AGBL4: variants seen among roughly 807,000 people sequenced by gnomAD.
The protein encoded by AGBL4 is AGBL carboxypeptidase 4, also known as cytosolic carboxypeptidase 6.
In AGBL4, 58 loss-of-function variants were observed where a neutral mutation model predicts 66.4. The ratio of observed to expected loss-of-function variants is 0.87; its 90% CI spans 0.71 to 1.09. The LOEUF is 1.09. AGBL4 is among the 50% of genes least tolerant of loss of function. The probability of loss-of-function intolerance (pLI) is 0.00; values close to 1 mark genes in which losing one functional copy is unlikely to be tolerated. For synonymous variants in AGBL4, 234 were observed against 222.9 expected (o/e 1.05, Z -0.44); for missense variants, 579 against 631.0 (o/e 0.92, Z 0.88).
chr1:49,093,915 G>T (rs1645044212), intron 4 of AGBL4, among the ~76,000 whole-genome samples: 1 of 152,138 alleles, frequency 6.6e-6, no homozygotes, highest in South Asian at 2.1e-4. Flanking sequence ...TTTCATCATA[G>T]GATAGAGTTC....
At chr1:49,218,148 T>A (rs1232626302) in intron 4 of AGBL4, among the ~76,000 whole-genome samples, 1 of 151,900 alleles carries the variant, frequency 6.6e-6, no homozygotes, top group Non-Finnish European at 1.5e-5. Flanking sequence ...AACTAAGGAG[T>A]CACTTGTGAA....
intron 2 of AGBL4, among the ~76,000 whole-genome samples, chr1:49,719,863 T>C (rs1011752261): frequency 1.3e-5 from 2 of 152,080 alleles, no homozygotes; most frequent in Non-Finnish European, 2.9e-5. Context: ...CCCCTTTTGC[T>C]CAGCATTTCT....
chr1:48,730,372 G>A (rs1159186231), intron 6 of AGBL4, among the ~76,000 whole-genome samples: 2 of 152,142 alleles, frequency 1.3e-5, no homozygotes, highest in African/African-American at 2.4e-5. Context: ...CTCTAGGGGG[G>A]ACTTCTCTGG....
intron 3 of AGBL4, among the ~76,000 whole-genome samples, chr1:49,282,857 C>G (rs974477133): frequency 1.3e-5 from 2 of 152,160 alleles, no homozygotes; most frequent in African/African-American, 4.8e-5. Context: ...CCGCACCTGG[C>G]TTGGAGGGTC....
At chr1:49,993,094 C>A (rs1239188308) in intron 1 of AGBL4, among the ~76,000 whole-genome samples, 9 of 152,202 alleles carry the variant, frequency 5.9e-5, no homozygotes, top group Non-Finnish European at 8.8e-5. Flanking sequence ...TTATAGAATT[C>A]CTTGTCATTT....
At chr1:49,933,444 A>C (rs1653574409) in intron 1 of AGBL4, among the ~76,000 whole-genome samples, 1 of 152,178 alleles carries the variant, frequency 6.6e-6, no homozygotes, top group South Asian at 2.1e-4. Flanking sequence ...AAACAGCAAC[A>C]CAAAAGCATA....
intron 3 of AGBL4, among the ~76,000 whole-genome samples, chr1:49,410,267 C>T (rs867871673): frequency 1.2e-4 from 18 of 152,148 alleles, no homozygotes; most frequent in African/African-American, 4.3e-4. Flanking sequence ...AACCCGTATG[C>T]AGAAATCTAT....
chr1:49,019,327 C>T (rs1489531690), intron 5 of AGBL4, among the ~76,000 whole-genome samples: 1 of 152,154 alleles, frequency 6.6e-6, no homozygotes, highest in African/African-American at 2.4e-5. Flanking sequence ...TCATCCTCCC[C>T]ACATGGACAT....
At chr1:49,355,511 T>TAA (rs1644001567) in intron 3 of AGBL4, among the ~76,000 whole-genome samples, 1 of 152,164 alleles carries the variant, frequency 6.6e-6, no homozygotes, top group Non-Finnish European at 1.5e-5. Context: ...CTTGATTCCA[T>TAA]ATGTGTCCCC....
intron 6 of AGBL4, among the ~76,000 whole-genome samples, chr1:48,740,301 T>C (rs969112224): frequency 1.3e-5 from 2 of 152,126 alleles, no homozygotes; most frequent in Non-Finnish European, 2.9e-5. Context: ...CTGGTGAGAG[T>C]ACTGGCCTGG....
At chr1:49,025,357 G>T (rs552130766) in intron 5 of AGBL4, among the ~76,000 whole-genome samples, 49 of 152,238 alleles carry the variant, frequency 3.2e-4, no homozygotes, top group South Asian at 1.0e-3. Flanking sequence ...GAAAGAGAGA[G>T]AGGCCTTTAA....
intron 5 of AGBL4, among the ~76,000 whole-genome samples, chr1:48,978,346 A>G (rs1252264160): frequency 6.6e-6 from 1 of 152,194 alleles, no homozygotes; most frequent in Non-Finnish European, 1.5e-5. Context: ...ATAACTAAAG[A>G]GAAACTGGAA....
At chr1:48,688,812 T>C (rs959399147) in intron 6 of AGBL4, among the ~76,000 whole-genome samples, 62 of 151,800 alleles carry the variant, frequency 4.1e-4, no homozygotes, top group Middle Eastern at 3.4e-3. Flanking sequence ...TTTTTTTTTT[T>C]GAATTTAGAA....
chr1:48,959,645 G>A (rs906425972), intron 5 of AGBL4, among the ~76,000 whole-genome samples: 1 of 152,190 alleles, frequency 6.6e-6, no homozygotes, highest in Non-Finnish European at 1.5e-5. Context: ...GGGACATAAA[G>A]GGAGAGAAGG....
intron 1 of AGBL4, among the ~76,000 whole-genome samples, chr1:49,894,636 A>C (rs565631698): frequency 1.3e-5 from 2 of 152,286 alleles, no homozygotes; most frequent in East Asian, 1.9e-4. Flanking sequence ...AGGATGCGAA[A>C]GACACTCTTA....
intron 8 of AGBL4, among the ~76,000 whole-genome samples, chr1:48,635,033 C>A (rs1645646980): frequency 6.6e-6 from 1 of 152,156 alleles, no homozygotes; most frequent in African/African-American, 2.4e-5. Flanking sequence ...ACACCATAAC[C>A]CAACACCTTT....
At chr1:49,696,811 T>C (rs764456470) in intron 3 of AGBL4, among the ~76,000 whole-genome samples, 6 of 152,122 alleles carry the variant, frequency 3.9e-5, no homozygotes, top group African/African-American at 7.2e-5. Context: ...GCTGTAAATA[T>C]GGTTCCGAGT....
intron 4 of AGBL4, among the ~76,000 whole-genome samples, chr1:49,094,114 T>C (rs1005463880): frequency 2.6e-5 from 4 of 152,124 alleles, no homozygotes; most frequent in African/African-American, 9.7e-5. Flanking sequence ...TTGATACAGA[T>C]GCAGAGCAAC....
At chr1:49,077,479 G>A (rs1644732856) in intron 4 of AGBL4, among the ~76,000 whole-genome samples, 1 of 152,128 alleles carries the variant, frequency 6.6e-6, no homozygotes, top group Non-Finnish European at 1.5e-5. Flanking sequence ...CTATAAAAAT[G>A]TATCAGATAT....
Sources: gnomAD v4.1 joint callset for allele counts (sites outside exome capture counted in the v4.1 genomes callset) on GRCh38, gnomAD v4.1.1 for gene constraint, MANE v1.5 for transcripts, NCBI Gene and HGNC (gene_info 2026-07-23, HGNC 2026-07-21) for gene names.